The following FAF1 variants were observed in gnomAD, a reference collection of about 807,000 sequenced individuals.
The protein encoded by FAF1 is FAS-associated factor 1.
A neutral mutation model predicts 92.5 loss-of-function variants in FAF1; 25 were observed. The ratio of observed to expected loss-of-function variants is 0.27; its 90% confidence interval spans 0.20 to 0.38. The LOEUF is 0.38. FAF1 is among the 10% of genes least tolerant of loss of function. The pLI is 1.00. For synonymous variants in FAF1, 234 were observed against 273.2 expected (o/e 0.86, Z 1.42); for missense variants, 636 against 793.3 (o/e 0.80, Z 2.38).
chr1:50,579,098 GCAAA>G (rs1219417739), intron 12 of FAF1, among the ~76,000 whole-genome samples: 2 of 151,906 alleles, frequency 1.3e-5, no homozygotes, highest in African/African-American at 4.8e-5. Context: ...ACTAAGAAAA[GCAAA>G]CAATCAATTG....
chr1:50,715,205 G>A (rs1658121712), intron 6 of FAF1, among the ~76,000 whole-genome samples: 1 of 152,154 alleles, frequency 6.6e-6, no homozygotes, highest in Non-Finnish European at 1.5e-5. Context: ...AAAATAAAAT[G>A]AAAGTTAACA....
intron 7 of FAF1, among the ~76,000 whole-genome samples, 160 bp downstream of exon 7, chr1:50,705,617 CATTTAGTAT>C (rs988617877): frequency 6.6e-6 from 1 of 152,162 alleles, no homozygotes; most frequent in African/African-American, 2.4e-5. Context: ...TAGGTCAAGT[CATTTAGTAT>C]ATCTACAGTA....
chr1:50,643,588 TA>T (rs1266350137), intron 8 of FAF1, among the ~76,000 whole-genome samples: 12 of 152,224 alleles, frequency 7.9e-5, no homozygotes, highest in African/African-American at 1.4e-4. Context: ...TTTGTTCTTT[TA>T]AAAAAAATTT....
At chr1:50,792,682 A>G (rs1661607226) in intron 3 of FAF1, among the ~76,000 whole-genome samples, 1 of 152,212 alleles carries the variant, frequency 6.6e-6, no homozygotes, top group Non-Finnish European at 1.5e-5. Flanking sequence ...GAGGTCCTGG[A>G]GGATACTGCA....
intron 8 of FAF1, among the ~76,000 whole-genome samples, chr1:50,610,955 G>C (rs1652658254): frequency 6.6e-6 from 1 of 152,194 alleles, no homozygotes; most frequent in South Asian, 2.1e-4. Flanking sequence ...CATTCAGAGA[G>C]CTACAAAATA....
At chr1:50,721,459 T>A (rs925574807) in intron 6 of FAF1, among the ~76,000 whole-genome samples, 2 of 152,060 alleles carry the variant, frequency 1.3e-5, no homozygotes, top group African/African-American at 4.8e-5. Flanking sequence ...AGGATCCGCC[T>A]GCGTCGGCCT....
chr1:50,944,017 G>T (rs989565768), intron 1 of FAF1, among the ~76,000 whole-genome samples: 3 of 152,208 alleles, frequency 2.0e-5, no homozygotes, highest in Non-Finnish European at 4.4e-5. Context: ...TTTTTGAAAG[G>T]ACTGAATGAT....
intron 8 of FAF1, among the ~76,000 whole-genome samples, chr1:50,638,117 T>C (rs1053836808): frequency 2.0e-5 from 3 of 152,218 alleles, no homozygotes; most frequent in Non-Finnish European, 4.4e-5. Context: ...TTGTTTGCTA[T>C]TATATTGTAA....
chr1:50,891,014 G>T (rs1230946793), intron 1 of FAF1, among the ~76,000 whole-genome samples: 1 of 152,018 alleles, frequency 6.6e-6, no homozygotes, highest in African/African-American at 2.4e-5. Flanking sequence ...ACGTAGATTT[G>T]GTCTTTTCAC....
chr1:50,753,932 A>T (rs1399767160), intron 4 of FAF1, among the ~76,000 whole-genome samples: 1 of 151,428 alleles, frequency 6.6e-6, no homozygotes, highest in African/African-American at 2.4e-5. Context: ...TAATTTTTGT[A>T]TTTTTGGCAG....
intron 1 of FAF1, among the ~76,000 whole-genome samples, chr1:50,893,517 A>G (rs115227691): frequency 0.013 from 1,984 of 152,160 alleles, 44 homozygotes; most frequent in African/African-American, 0.044. Context: ...ATCTTCCCAC[A>G]CTTTCTCCCA....
intron 12 of FAF1, among the ~76,000 whole-genome samples, chr1:50,581,561 A>G (rs1650987276): frequency 6.6e-6 from 1 of 152,210 alleles, no homozygotes; most frequent in Admixed American, 6.5e-5. Flanking sequence ...AAGAAAATCA[A>G]AACTCCTGGG....
chr1:50,768,166 C>T (rs1420359765), intron 4 of FAF1, among the ~76,000 whole-genome samples: 1 of 152,042 alleles, frequency 6.6e-6, no homozygotes, highest in African/African-American at 2.4e-5. Context: ...AGACAAAACA[C>T]ACCTTAAACC....
At chr1:50,555,636 A>G (rs2149049162) in intron 13 of FAF1, among the ~76,000 whole-genome samples, 1 of 152,322 alleles carries the variant, frequency 6.6e-6, no homozygotes, top group Middle Eastern at 3.4e-3. Flanking sequence ...CAGATGCAGT[A>G]AAAAGGAACT....
chr1:50,746,266 ATATATATATATATATATATATATATATTT>A (rs1240760401), intron 4 of FAF1, among the ~76,000 whole-genome samples: 345 of 20,666 alleles, frequency 0.017, 9 homozygotes, highest in African/African-American at 0.065. Flanking sequence ...ATATATATAT[ATATATATATATATATATATATATATATTT>A]TTTTTTTTTT....
intron 8 of FAF1, among the ~76,000 whole-genome samples, chr1:50,613,296 T>C (rs942666620): frequency 6.6e-6 from 1 of 152,228 alleles, no homozygotes; most frequent in Non-Finnish European, 1.5e-5. Context: ...ATATGGCATA[T>C]TAAATTTAAT....
intron 2 of FAF1, among the ~76,000 whole-genome samples, chr1:50,824,286 C>G (rs1406948437): frequency 6.6e-6 from 1 of 152,112 alleles, no homozygotes; most frequent in Non-Finnish European, 1.5e-5. Flanking sequence ...ATTCAAGTCT[C>G]TCCTCCATTA....
intron 1 of FAF1, among the ~76,000 whole-genome samples, chr1:50,957,527 A>AT (rs756974315): frequency 9.9e-5 from 15 of 150,916 alleles, no homozygotes; most frequent in Non-Finnish European, 1.6e-4. Flanking sequence ...AATTTTTTGT[A>AT]TTTTTTTAGT....
intron 4 of FAF1, among the ~76,000 whole-genome samples, chr1:50,777,279 C>A (rs1454827156): frequency 2.6e-5 from 4 of 151,244 alleles, no homozygotes; most frequent in Admixed American, 2.6e-4. Context: ...ATTTGCCAAA[C>A]ATGGTGGCGT....
Sources: allele counts gnomAD v4.1 joint callset (sites outside exome capture counted in the v4.1 genomes callset), GRCh38; gene constraint gnomAD v4.1.1; transcripts MANE v1.5; gene names NCBI Gene and HGNC (gene_info 2026-07-23, HGNC 2026-07-21).